The following LOXL1 variants were observed in gnomAD, a reference collection of about 807,000 sequenced individuals.
LOXL1 encodes lysyl oxidase like 1.
In LOXL1, 31 loss-of-function variants were observed where a neutral mutation model predicts 62.2. The ratio of observed to expected loss-of-function variants is 0.50; its 90% CI spans 0.37 to 0.67. LOXL1 has a LOEUF of 0.67. Among genes scored for constraint, LOXL1 ranks in the 30% least tolerant of loss-of-function variants. The pLI is 0.00. For synonymous variants in LOXL1, 403 were observed against 384.4 expected (o/e 1.05, Z -0.56); for missense variants, 775 against 843.4 (o/e 0.92, Z 1.00).
chr15:73,950,508 A>T (rs957201790), intron 6 of LOXL1, among the ~76,000 whole-genome samples: 4 of 151,906 alleles, frequency 2.6e-5, no homozygotes, highest in African/African-American at 9.7e-5. Flanking sequence ...GTTAGGGCTC[A>T]GTGTGTGACA....
chr15:73,950,617 GGTCAGGGCTCAGTCTGTGACCAGA>G (rs1188121605), intron 6 of LOXL1, among the ~76,000 whole-genome samples: 7 of 152,090 alleles, frequency 4.6e-5, no homozygotes, highest in African/African-American at 1.7e-4. Context: ...GTGTGACCAG[GGTCAGGGCTCAGTCTGTGACCAGA>G]GTCAGGGCCC....
Position 73,946,530 on chromosome 15 carries a change from C to T in LOXL1, c.1325C>T (p.Thr442Ile). ...ADFLPNRPRHTWEWHSCHQHY... is the reference protein window; with the variant it reads ...ADFLPNRPRHIWEWHSCHQHY... ...TTCCTCCCCAACCGGCCACGGCACA[C>T]CTGGGAGTGGCACAGCTGCCACCAG... is the stretch of plus-strand genomic sequence containing the variant. The change falls in exon 3 of 7, where the codon ACC becomes ATC. Residue 442 changes from threonine (T) to isoleucine (I), a missense_variant. By Grantham distance (89) the Thr-to-Ile change is moderately conservative. Transcript: ENST00000261921. 4.4e-6 allele frequency: 7 copies of T among 1,608,882 alleles called. 2 individuals are homozygous for T. In the South Asian group the frequency reaches 7.8e-5, roughly 18 times the overall value.
chr15:73,944,054 G>A (rs929120140), intron 2 of LOXL1, among the ~76,000 whole-genome samples: 4 of 152,194 alleles, frequency 2.6e-5, no homozygotes, highest in Non-Finnish European at 5.9e-5. Context: ...GTACATTCTG[G>A]TGCAAGTTCC....
In LOXL1 at chr15:73,946,518, G is replaced by C. The variant is rs755899987; in HGVS notation, c.1313G>C (p.Arg438Pro). ...NQGTADFLPNRPRHTWEWHSC... is the reference protein window; with the variant it reads ...NQGTADFLPNPPRHTWEWHSC... ...GGCACAGCAGACTTCCTCCCCAACC[G>C]GCCACGGCACACCTGGGAGTGGCAC... The change falls in exon 3 of 7, where the codon CGG becomes CCG. Residue 438 changes from arginine to proline, a missense_variant. Arg to Pro is a moderately radical substitution (Grantham distance 103). Coordinates refer to ENST00000261921, the MANE Select transcript of LOXL1 (RefSeq NM_005576.4). 6.2e-7 allele frequency: 1 copy of C among 1,609,988 alleles called. No individual in the cohort carries two copies. Among genetic ancestry groups the C allele is most frequent in the Non-Finnish European group, 8.5e-7 (1 of 1,178,442 alleles).
chr15:73,937,331 G>A (rs1595845731), intron 1 of LOXL1, among the ~76,000 whole-genome samples: 1 of 152,208 alleles, frequency 6.6e-6, no homozygotes, highest in African/African-American at 2.4e-5. Flanking sequence ...CTGTCTTCTC[G>A]GCTCCGTGTC....
At chr15:73,944,702 G>A (rs2068736218) in intron 2 of LOXL1, among the ~76,000 whole-genome samples, 3 of 152,218 alleles carry the variant, frequency 2.0e-5, no homozygotes, top group Admixed American at 2.0e-4. Context: ...ACCAGTTTGT[G>A]GCCAAGCTGG....
intron 1 of LOXL1, chr15:73,928,110 G>C: frequency 2.4e-6 from 1 of 409,026 alleles, no homozygotes; most frequent in Non-Finnish European, 4.2e-6. Context: ...CCAGGGGTTG[G>C]CCAGGCAGGT....
intron 1 of LOXL1, among the ~76,000 whole-genome samples, chr15:73,933,342 C>T (rs1032102202): frequency 1.3e-5 from 2 of 152,170 alleles, no homozygotes; most frequent in African/African-American, 4.8e-5. Flanking sequence ...CACTCTGTTC[C>T]GTCTCTTAGG....
Position 73,945,890 on chromosome 15 carries a change from T to G in LOXL1, c.1212-527T>G, listed in dbSNP as rs2068743884. On this transcript the variant is annotated intron_variant, in intron 2 of 6. Transcript: ENST00000261921. This position sits in a 1 kb window ranked among gnomAD's most constrained non-coding sequence, Gnocchi z 4.3. ...GCTAATTTTTTAATTTTTTAAAAAT[T>G]TCTTTAATTAAATTAATTTTTTAAA... 6.6e-6 allele frequency among the ~76,000 whole-genome samples: 1 copy of G among 152,082 alleles called. No homozygotes were observed. Among genetic ancestry groups the G allele is most frequent in the East Asian group, 1.9e-4 (1 of 5,202 alleles).
intron 5 of LOXL1, 39 bp downstream of exon 5, chr15:73,947,941 G>A: frequency 6.8e-7 from 1 of 1,473,766 alleles, no homozygotes; most frequent in South Asian, 1.2e-5. Context: ...CCAACCTGAT[G>A]TTCATGTCCA....
Position 73,937,368 on chromosome 15 carries a change from A to G in LOXL1, c.1103-5486A>G, listed in dbSNP as rs150614260. On this transcript the variant is annotated intron_variant, in intron 1 of 6. Coordinates refer to ENST00000261921, the MANE Select transcript of LOXL1 (RefSeq NM_005576.4). ...TCACTGTCCTGGAGGTTTGAAGGGC[A>G]TGCTATAGCTAAAAGGCTTACCCCA... Among the ~76,000 whole-genome samples, 815 of 152,332 alleles carry G rather than the reference A, an allele frequency of 5.4e-3. 10 individuals are homozygous for G. Among genetic ancestry groups the G allele is most frequent in the African/African-American group, 0.018 (746 of 41,576 alleles).
At chr15:73,940,733 G>A (rs1015542366) in intron 1 of LOXL1, among the ~76,000 whole-genome samples, 1 of 152,168 alleles carries the variant, frequency 6.6e-6, no homozygotes, top group Non-Finnish European at 1.5e-5. Flanking sequence ...TGTGACCAAG[G>A]TCAGGGTGCA....
chr15:73,939,778 A>C (rs557622081), intron 1 of LOXL1, among the ~76,000 whole-genome samples: 52 of 152,262 alleles, frequency 3.4e-4, no homozygotes, highest in African/African-American at 1.2e-3. Context: ...TATTTTTATA[A>C]AAAGAGTGAC....
At chr15:73,942,430 G>A (rs1567087973) in intron 1 of LOXL1, among the ~76,000 whole-genome samples, 1 of 152,080 alleles carries the variant, frequency 6.6e-6, no homozygotes, top group Non-Finnish European at 1.5e-5. Flanking sequence ...TCTGGGGGCT[G>A]CTGTCCAGAG....
Position 73,930,666 on chromosome 15 carries a change from C to T in LOXL1, c.1102+2781C>T, listed in dbSNP as rs1163970882. Among the ~76,000 whole-genome samples, 2 of 152,150 alleles carry T rather than the reference C, an allele frequency of 1.3e-5. No individual in the cohort carries two copies. Among genetic ancestry groups the T allele is most frequent in the African/African-American group, 4.8e-5 (2 of 41,444 alleles). On this transcript the variant is annotated intron_variant, in intron 1 of 6. Coordinates refer to ENST00000261921, the MANE Select transcript of LOXL1 (RefSeq NM_005576.4). This position sits in a 1 kb window ranked among gnomAD's most constrained non-coding sequence, Gnocchi z 4.7. ...GTGGACGTGTCCTCACAACACCAAG[C>T]ACATGTGAGCACCACCCACCTCCCT... is the stretch of plus-strand genomic sequence containing the variant.
chr15:73,941,922 C>A (rs1368245632), intron 1 of LOXL1: 2 of 237,960 alleles, frequency 8.4e-6, no homozygotes, highest in Non-Finnish European at 1.9e-5. Context: ...GGTGGAGGGG[C>A]AGGAACAGGA....
intron 5 of LOXL1, 90 bp from the exon 6 acceptor site, chr15:73,949,369 G>GTCTT: frequency 1.3e-6 from 1 of 781,750 alleles, no homozygotes; most frequent in Non-Finnish European, 2.3e-6. Flanking sequence ...CTGTCTGTCT[G>GTCTT]TCTGCCTCTT....
chr15:73,930,179 A>G lies in LOXL1; in HGVS notation c.1102+2294A>G, dbSNP rs1209551077. 6.6e-6 allele frequency among the ~76,000 whole-genome samples: 1 copy of G among 152,194 alleles called. No individual in the cohort carries two copies. Among genetic ancestry groups the G allele is most frequent in the African/African-American group, 2.4e-5 (1 of 41,448 alleles). On this transcript the variant is annotated intron_variant, in intron 1 of 6. Coordinates refer to ENST00000261921, the MANE Select transcript of LOXL1 (RefSeq NM_005576.4). The surrounding 1 kb of genome is among the most constrained non-coding windows in gnomAD (Gnocchi z 4.7). ...CCAGGAGGGGCATCTCAGTGCTGTG[A>G]TTAGGCAAGCATTGGTGGGGCCAGG...
At chr15:73,931,151 C>G (rs1194637059) in intron 1 of LOXL1, among the ~76,000 whole-genome samples, 8 of 137,240 alleles carry the variant, frequency 5.8e-5, no homozygotes, top group Middle Eastern at 3.5e-3. Flanking sequence ...CCTCGCACCC[C>G]CCGCCTGACT....
Sources: gnomAD v4.1 joint callset for allele counts (sites outside exome capture counted in the v4.1 genomes callset) on GRCh38, gnomAD v4.1.1 for gene constraint, Gnocchi (gnomAD v3.1) non-coding constraint, MANE v1.5 for transcripts, NCBI Gene and HGNC (gene_info 2026-07-23, HGNC 2026-07-21) for gene names.